The following MTERF1 variants were observed in gnomAD, a reference collection of about 807,000 sequenced individuals.
MTERF1 encodes the protein mitochondrial transcription termination factor 1, also known as transcription termination factor 1, mitochondrial.
MTERF1 carries 29 observed loss-of-function variants against 31.6 expected under a neutral mutation model. That is an observed-to-expected ratio of 0.92 (90% CI 0.68 to 1.25). MTERF1 has a LOEUF of 1.25. Among genes scored for constraint, MTERF1 ranks in the 50% most tolerant of loss-of-function variants. The pLI, the probability that MTERF1 is intolerant of heterozygous loss-of-function variation, is 0.00. For missense variants in MTERF1, 500 were observed against 469.1 expected (o/e 1.07, Z -0.61); for synonymous variants, 152 against 164.1 (o/e 0.93, Z 0.57).
At position 91,874,551 on chromosome 7, in the gene MTERF1, A is replaced by G. The variant is rs755138741; in HGVS notation, c.243T>C (p.Thr81=). The change falls in exon 3 of 3, where the codon ACT becomes ACC. Residue 81 remains threonine (T), a synonymous_variant. Transcript: ENST00000351870. ...TTGCCATGTCAATATCTACTCCCAT[A>G]GTAAGTAAGTTTTTCAGTAGGTCCT... ...KNEDLLKNLL[T]MGVDIDMARK... is the part of the protein sequence containing the mutation. The G allele has an allele frequency of 2.5e-6, 4 of 1,614,108 alleles. No homozygotes were observed. In the Admixed American group the frequency reaches 5.0e-5, roughly 20 times the overall value.
rs776659653 is a variant in MTERF1, at chr7:91,874,292, A to G, written c.502T>C (p.Phe168Leu). The G allele has an allele frequency of 1.1e-5, 17 of 1,614,042 alleles. No homozygotes were observed. In the East Asian group the frequency reaches 2.2e-4, roughly 21 times the overall value. ...NILERSPESFFRSNNNLNLEN... is the reference protein window; with the variant it reads ...NILERSPESFLRSNNNLNLEN... ...AAGTTTAGGTTGTTATTGGACCGAA[A>G]AAAGGATTCAGGAGAACGTTCCAAA... Residue 168 changes from phenylalanine (F) to leucine (L), a missense_variant, in exon 3 of 3, where the codon TTT becomes CTT. By Grantham distance (22) the Phe-to-Leu change is conservative. Coordinates refer to ENST00000351870, the MANE Select transcript of MTERF1 (RefSeq NM_006980.5).
chr7:91,874,604 T>G lies in MTERF1; in HGVS notation c.190A>C (p.Asn64His). 6.2e-7 allele frequency: 1 copy of G among 1,614,114 alleles called. No individual in the cohort carries two copies. Among genetic ancestry groups the G allele is most frequent in the Admixed American group, 1.7e-5 (1 of 60,024 alleles). Residue 64 changes from asparagine to histidine, a missense_variant, in exon 3 of 3, where the codon AAT (asparagine) becomes CAT (histidine). Coordinates refer to ENST00000351870, the MANE Select transcript of MTERF1 (RefSeq NM_006980.5). ...TTTTTCAAAGGCTCACTGTCTGTAT[T>G]ATGACACTTCACACCAAAAAGCCTA... The part of the protein sequence containing the change: ...SFRLFGVKCH[N>H]TDSEPLKNED...
intron 2 of MTERF1, among the ~76,000 whole-genome samples, chr7:91,874,979 A>C (rs1369896113): frequency 2.0e-5 from 3 of 146,688 alleles, no homozygotes; most frequent in Non-Finnish European, 2.9e-5. Flanking sequence ...AAAATTCTAC[A>C]TGTTTTATAA....
chr7:91,880,163 C>T, intron 1 of MTERF1, 50 bp from the exon 2 acceptor site: 1 of 1,486,164 alleles, frequency 6.7e-7, no homozygotes, highest in Non-Finnish European at 9.3e-7. Flanking sequence ...TTCAGGCCTT[C>T]CTAATACAAA....
chr7:91,875,091 C>G (rs1274509050), intron 2 of MTERF1, among the ~76,000 whole-genome samples: 1 of 152,200 alleles, frequency 6.6e-6, no homozygotes, highest in Non-Finnish European at 1.5e-5. Context: ...CCTGTAAGCA[C>G]AGGACTGCTT....
intron 2 of MTERF1, among the ~76,000 whole-genome samples, chr7:91,877,430 ACATGCCC>A (rs1182278296): frequency 6.6e-6 from 1 of 152,228 alleles, no homozygotes; most frequent in Non-Finnish European, 1.5e-5. Flanking sequence ...CACAAACTTA[ACATGCCC>A]CAAACTTGAG....
In MTERF1 at chr7:91,874,308, A is replaced by G; in HGVS notation, c.486T>C (p.Arg162=). Reference sequence around the variant, plus strand: ...TGGACCGAAAAAAGGATTCAGGAGAACGTTCCAAAATATTTACAATTTCAA... The same window carrying G: ...TGGACCGAAAAAAGGATTCAGGAGAGCGTTCCAAAATATTTACAATTTCAA... ...SDLEIVNILE[R]SPESFFRSNN... The change falls in exon 3 of 3, where the codon CGT becomes CGC. Residue 162 remains arginine, a synonymous_variant. Transcript: ENST00000351870. The G allele has an allele frequency of 1.2e-6, 2 of 1,614,186 alleles. No individual in the cohort carries two copies. Among genetic ancestry groups the G allele is most frequent in the Non-Finnish European group, 1.7e-6 (2 of 1,180,028 alleles).
In MTERF1 at chr7:91,874,715, A is replaced by T; in HGVS notation, c.79T>A (p.Trp27Arg). ...AAGAGAAAGTTATTTCTCATATGCC[A>T]GAGGTTTCCTGGTGCCATAATGGTT... ...YLTIMAPGNL[W>R]HMRNNFLFGS... Residue 27 changes from tryptophan to arginine, a missense_variant, in exon 3 of 3, where the codon TGG becomes AGG. Coordinates refer to ENST00000351870, the MANE Select transcript of MTERF1 (RefSeq NM_006980.5). The T allele has an allele frequency of 6.2e-7, 1 of 1,613,814 alleles. No homozygotes were observed. Among genetic ancestry groups the T allele is most frequent in the East Asian group, 2.2e-5 (1 of 44,872 alleles).
intron 2 of MTERF1, among the ~76,000 whole-genome samples, chr7:91,879,144 T>C (rs1260918170): frequency 6.6e-6 from 1 of 151,032 alleles, no homozygotes; most frequent in Non-Finnish European, 1.5e-5. Flanking sequence ...ATCTGTCTCA[T>C]AAAAAAAGAA....
At position 91,874,602 on chromosome 7, in the gene MTERF1, A is replaced by T. The variant is rs768202029; in HGVS notation, c.192T>A (p.Asn64Lys). 2 of 1,614,130 alleles carry T rather than the reference A, an allele frequency of 1.2e-6. No homozygotes were observed. The highest frequency in any genetic ancestry group is 2.2e-5 in the South Asian group (2 of 91,080). The change falls in exon 3 of 3, where the codon AAT (asparagine) becomes AAA (lysine). Residue 64 changes from asparagine to lysine, a missense_variant. Transcript: ENST00000351870. ...CATTTTTCAAAGGCTCACTGTCTGT[A>T]TTATGACACTTCACACCAAAAAGCC... is the stretch of plus-strand genomic sequence containing the variant. ...SFRLFGVKCH[N>K]TDSEPLKNED...
In MTERF1 at chr7:91,872,340, G is replaced by C. The variant is rs889444966; in HGVS notation, c.*1254C>G. Reference sequence around the variant, plus strand: ...ACTATGTGCAAGAAACCTTAGAGGTGCTTTTTCATTTGATTCCTACCAACT... The same window carrying C: ...ACTATGTGCAAGAAACCTTAGAGGTCCTTTTTCATTTGATTCCTACCAACT... On this transcript the variant is annotated 3_prime_UTR_variant, in exon 3 of 3. Coordinates refer to ENST00000351870, the MANE Select transcript of MTERF1 (RefSeq NM_006980.5). The C allele has an allele frequency of 6.6e-6, 1 of 152,162 alleles. No individual in the cohort carries two copies. Among genetic ancestry groups the C allele is most frequent in the Admixed American group, 6.5e-5 (1 of 15,284 alleles). 9.4% of individuals were successfully genotyped at this position (152,162 alleles called of 1,614,324 possible).
intron 2 of MTERF1, among the ~76,000 whole-genome samples, 159 bp from the exon 3 acceptor site, chr7:91,874,923 TTAAA>T (rs1377396957): frequency 3.3e-5 from 5 of 152,254 alleles, no homozygotes; most frequent in Admixed American, 6.5e-5. Context: ...TGCTGAATTA[TTAAA>T]TAAATAGTAA....
intron 2 of MTERF1, among the ~76,000 whole-genome samples, chr7:91,876,113 T>C (rs1328038587): frequency 1.3e-5 from 2 of 152,234 alleles, no homozygotes; most frequent in Non-Finnish European, 2.9e-5. Context: ...ATAACTCATT[T>C]TCCTGATCAT....
chr7:91,878,006 T>C (rs1314773185), intron 2 of MTERF1, among the ~76,000 whole-genome samples: 1 of 152,182 alleles, frequency 6.6e-6, no homozygotes, highest in African/African-American at 2.4e-5. Flanking sequence ...AAGCTGTTCT[T>C]TCTTTTAGAA....
intron 2 of MTERF1, among the ~76,000 whole-genome samples, chr7:91,878,005 T>G (rs1229792646): frequency 6.6e-6 from 1 of 152,224 alleles, no homozygotes; most frequent in Non-Finnish European, 1.5e-5. Context: ...TAAGCTGTTC[T>G]TTCTTTTAGA....
In MTERF1 at chr7:91,873,980, C is replaced by A. The variant is rs1468159793; in HGVS notation, c.814G>T (p.Val272Phe). ...TFNLNSEELL[V>F]LICGPGAEIL... ...TCAGCTCCTGGACCACATATCAGAA[C>A]CAGCAGTTCCTCACTGTTCAAATTG... The change falls in exon 3 of 3, where the codon GTT (valine) becomes TTT (phenylalanine). Residue 272 changes from valine to phenylalanine, a missense_variant. Transcript: ENST00000351870. 4 of 1,613,892 alleles carry A rather than the reference C, an allele frequency of 2.5e-6. No homozygotes were observed. The highest frequency in any genetic ancestry group is 3.4e-6 in the Non-Finnish European group (4 of 1,180,016).
chr7:91,878,617 T>C (rs1281304057), intron 2 of MTERF1, among the ~76,000 whole-genome samples: 1 of 152,158 alleles, frequency 6.6e-6, no homozygotes, highest in African/African-American at 2.4e-5. Context: ...GGAGGATTGC[T>C]TAAACCCAGG....
At position 91,871,149 on chromosome 7, in the gene MTERF1, A is replaced by G. The variant is rs763160434; in HGVS notation, c.*2445T>C. On this transcript the variant is annotated 3_prime_UTR_variant, in exon 3 of 3. Transcript: ENST00000351870. Reference sequence around the variant, plus strand: ...GATCAGACTCAAACCTTAAAGTATGACATGTTAATTTTGCCTGACAGGCAT... The same window carrying G: ...GATCAGACTCAAACCTTAAAGTATGGCATGTTAATTTTGCCTGACAGGCAT... 1 of 152,250 alleles carries G rather than the reference A, an allele frequency of 6.6e-6. No individual in the cohort carries two copies. Among genetic ancestry groups the G allele is most frequent in the Non-Finnish European group, 1.5e-5 (1 of 68,130 alleles). The allele number at this position is 152,250 out of a possible 1,614,324, so 9.4% of individuals were successfully genotyped here. A position where few individuals can be genotyped will look rare whatever the true frequency, so the allele number is the denominator to read the frequency against.
chr7:91,880,486 G>A (rs1465346132), intron 1 of MTERF1, 171 bp downstream of exon 1: 1 of 202,666 alleles, frequency 4.9e-6, no homozygotes, highest in Non-Finnish European at 1.0e-5. Context: ...TCGAACCCAG[G>A]TGGGTCTTTC....
Sources: gnomAD v4.1 joint callset for allele counts (sites outside exome capture counted in the v4.1 genomes callset) on GRCh38, gnomAD v4.1.1 for gene constraint, MANE v1.5 for transcripts, NCBI Gene and HGNC (gene_info 2026-07-23, HGNC 2026-07-21) for gene names.